CSGALNACT1: variants seen among roughly 807,000 people sequenced by gnomAD.
The protein encoded by CSGALNACT1 is beta4GalNAcT-1.
In CSGALNACT1, 52 loss-of-function variants were observed where a neutral mutation model predicts 51.0. The observed-to-expected ratio is 1.02, with a 90% confidence interval of 0.82 to 1.29. The LOEUF (loss-of-function observed/expected upper bound fraction) is 1.29. Ranked by LOEUF, CSGALNACT1 falls within the 50% of genes most tolerant of loss-of-function variation. The pLI is 0.00. For missense variants in CSGALNACT1, 935 were observed against 679.2 expected, an observed-to-expected ratio of 1.38 and a Z score of -4.19; for synonymous variants, 341 against 254.4, an observed-to-expected ratio of 1.34 and a Z score of -3.24.
intron 2 of CSGALNACT1, among the ~76,000 whole-genome samples, chr8:19,594,966 C>T (rs2048594483): frequency 6.6e-6 from 1 of 152,138 alleles, no homozygotes; most frequent in African/African-American, 2.4e-5. Context: ...AGTTAGAAAA[C>T]ACATTTGATG....
chr8:19,735,636 A>C (rs1174129949), intron 1 of CSGALNACT1, among the ~76,000 whole-genome samples: 1 of 152,184 alleles, frequency 6.6e-6, no homozygotes, highest in Non-Finnish European at 1.5e-5. Context: ...ACTATGAAGA[A>C]CTATCAGATA....
intron 3 of CSGALNACT1, among the ~76,000 whole-genome samples, chr8:19,542,581 A>G (rs1423489341): frequency 6.6e-6 from 1 of 152,110 alleles, no homozygotes; most frequent in African/African-American, 2.4e-5. Flanking sequence ...TTACCAAAAC[A>G]AGAGATGATG....
intron 1 of CSGALNACT1, among the ~76,000 whole-genome samples, chr8:19,645,455 A>T (rs2057179970): frequency 6.6e-6 from 1 of 152,204 alleles, no homozygotes. Context: ...CACAGACAGG[A>T]GGTAGAATCC....
At chr8:19,641,028 T>C (rs2056673622) in intron 1 of CSGALNACT1, among the ~76,000 whole-genome samples, 1 of 151,896 alleles carries the variant, frequency 6.6e-6, no homozygotes, top group African/African-American at 2.4e-5. Context: ...CAAAGCAGGA[T>C]CATTTTGTAA....
intron 1 of CSGALNACT1, among the ~76,000 whole-genome samples, chr8:19,748,434 A>T (rs1371012614): frequency 6.6e-6 from 1 of 152,220 alleles, no homozygotes; most frequent in Non-Finnish European, 1.5e-5. Context: ...GAATAGAAAT[A>T]GGAGATATAA....
At chr8:19,685,647 G>C (rs1466637760), upstream of CSGALNACT1, among the ~76,000 whole-genome samples, 1 of 152,284 alleles carries the variant, frequency 6.6e-6, no homozygotes. Flanking sequence ...TTGAGAGCTG[G>C]GTTCTCAGGC....
intron 4 of CSGALNACT1, among the ~76,000 whole-genome samples, chr8:19,489,397 A>G (rs527501467): frequency 2.6e-5 from 4 of 152,240 alleles, no homozygotes; most frequent in African/African-American, 9.6e-5. Flanking sequence ...AAATCAAACA[A>G]AAATTTACTC....
chr8:19,561,083 C>T (rs891053275), intron 3 of CSGALNACT1, among the ~76,000 whole-genome samples: 1 of 151,900 alleles, frequency 6.6e-6, no homozygotes, highest in Non-Finnish European at 1.5e-5. Flanking sequence ...TCAGTGATAA[C>T]CATAAATAAT....
intron 1 of CSGALNACT1, among the ~76,000 whole-genome samples, chr8:19,659,525 C>T (rs1056365163): frequency 9.9e-5 from 15 of 152,172 alleles, no homozygotes; most frequent in Admixed American, 3.9e-4. Flanking sequence ...TCATATGAAT[C>T]CCCCAGAGTT....
chr8:19,461,776 AGCAGCCACATTCACC>A (rs2065530935), intron 4 of CSGALNACT1, among the ~76,000 whole-genome samples: 1 of 149,040 alleles, frequency 6.7e-6, no homozygotes. Flanking sequence ...GTATCTGCAC[AGCAGCCACATTCACC>A]ATGGAGGGCG....
At chr8:19,666,975 GAA>G (rs2059338399) in intron 1 of CSGALNACT1, among the ~76,000 whole-genome samples, 1 of 11,058 alleles carries the variant, frequency 9.0e-5, no homozygotes, top group African/African-American at 3.8e-4. Flanking sequence ...AAGAAAGAAA[GAA>G]AGAAAGAAAG....
chr8:19,598,371 A>AT (rs2049439802), intron 2 of CSGALNACT1, among the ~76,000 whole-genome samples: 1 of 152,210 alleles, frequency 6.6e-6, no homozygotes, highest in Non-Finnish European at 1.5e-5. Flanking sequence ...GGTGACACTG[A>AT]TTAAAAGCTT....
At chr8:19,583,170 C>CT (rs1409901685) in intron 3 of CSGALNACT1, among the ~76,000 whole-genome samples, 5 of 151,668 alleles carry the variant, frequency 3.3e-5, no homozygotes, top group Non-Finnish European at 7.4e-5. Context: ...AAACCAATAC[C>CT]TTTTTTTAAA....
intron 4 of CSGALNACT1, among the ~76,000 whole-genome samples, chr8:19,489,845 G>A (rs759245838): frequency 6.6e-6 from 1 of 152,140 alleles, no homozygotes; most frequent in South Asian, 2.1e-4. Context: ...CCTTTTGTTA[G>A]GAAGCCAAGC....
chr8:19,417,337 A>G (rs17407149), intron 8 of CSGALNACT1, among the ~76,000 whole-genome samples: 57,731 of 152,014 alleles, frequency 0.38, 11,820 homozygotes, highest in East Asian at 0.71. Context: ...AGGATATAAG[A>G]CATGACATTG....
At chr8:19,516,984 C>T (rs1218998842) in intron 3 of CSGALNACT1, among the ~76,000 whole-genome samples, 1 of 152,228 alleles carries the variant, frequency 6.6e-6, no homozygotes, top group Non-Finnish European at 1.5e-5. Flanking sequence ...ACCCACTGCC[C>T]ACCTGGAGAG....
chr8:19,664,770 C>T (rs1421444819), intron 1 of CSGALNACT1, among the ~76,000 whole-genome samples: 4 of 152,132 alleles, frequency 2.6e-5, no homozygotes, highest in Non-Finnish European at 5.9e-5. Context: ...GTAATTATCT[C>T]AAGTGAAATA....
At chr8:19,524,161 A>G (rs1160553867) in intron 3 of CSGALNACT1, among the ~76,000 whole-genome samples, 1 of 152,084 alleles carries the variant, frequency 6.6e-6, no homozygotes, top group East Asian at 1.9e-4. Context: ...ATTGTGGTAC[A>G]TTCCTGTAGT....
rs377366709 is a variant in CSGALNACT1, at chr8:19,560,862, C to T, written c.-297+30298G>A. Among the ~76,000 whole-genome samples, 18 of 152,306 alleles carry T rather than the reference C, an allele frequency of 1.2e-4. 1 individual carries two copies. Among genetic ancestry groups the T allele is most frequent in the African/African-American group, 4.3e-4 (18 of 41,570 alleles). ...AATGCAGGCATAGGAATATTCACAG[C>T]TGCAAAATCTATATTCCCAAAACTG... On this transcript the variant is annotated intron_variant, in intron 3 of 9. Transcript: ENST00000454498.
Sources: allele counts gnomAD v4.1 joint callset (sites outside exome capture counted in the v4.1 genomes callset), GRCh38; gene constraint gnomAD v4.1.1; transcripts MANE v1.5; gene names NCBI Gene and HGNC (gene_info 2026-07-23, HGNC 2026-07-21).